LIFR: variants seen among roughly 807,000 people sequenced by gnomAD.
LIFR encodes the protein LIF receptor subunit alpha.
A neutral mutation model predicts 122.2 loss-of-function variants in LIFR; 84 were observed. That is an observed-to-expected ratio of 0.69 (90% confidence interval 0.58 to 0.82). LIFR has a LOEUF of 0.82. Among genes scored for constraint, LIFR ranks in the 40% least tolerant of loss-of-function variants. The pLI is 0.00. For synonymous variants in LIFR, 422 were observed against 434.7 expected (o/e 0.97, Z 0.36); for missense variants, 1,294 against 1,311.6 (o/e 0.99, Z 0.21).
At chr5:38,578,207 C>CTTTTTTTTTTTTTTTTTTTTTCTT (rs3079294) in intron 1 of LIFR, among the ~76,000 whole-genome samples, 1 of 123,456 alleles carries the variant, frequency 8.1e-6, no homozygotes, top group Non-Finnish European at 1.6e-5. Context: ...TTTTCTTTTT[C>CTTTTTTTTTTTTTTTTTTTTTCTT]TTTTTTTTTT....
intron 1 of LIFR, among the ~76,000 whole-genome samples, chr5:38,551,066 A>G (rs1748176380): frequency 6.6e-6 from 1 of 152,220 alleles, no homozygotes; most frequent in Non-Finnish European, 1.5e-5. Flanking sequence ...GTGGTGATCC[A>G]GGCAACTTCA....
chr5:38,595,755 C>G (rs1229322800), upstream of LIFR, among the ~76,000 whole-genome samples: 2 of 72,794 alleles, frequency 2.7e-5, no homozygotes, highest in Non-Finnish European at 5.5e-5. Context: ...TTTTTTGAAA[C>G]AGAGTCTCGC....
intron 6 of LIFR, 101 bp from the exon 7 acceptor site, chr5:38,510,819 T>A (rs1745761420): frequency 1.1e-6 from 1 of 925,918 alleles, no homozygotes; most frequent in Non-Finnish European, 1.7e-6. Context: ...ACTTTTAAAA[T>A]AGCCCAGTAT....
chr5:38,549,585 G>T (rs993992719), intron 1 of LIFR, among the ~76,000 whole-genome samples: 1 of 152,194 alleles, frequency 6.6e-6, no homozygotes, highest in African/African-American at 2.4e-5. Context: ...GAGGTCAGGA[G>T]ATCGAGACCA....
Position 38,475,559 on chromosome 5 carries a change from A to G in LIFR, c.*6036T>C, listed in dbSNP as rs1743685725. On this transcript the variant is annotated 3_prime_UTR_variant, in exon 20 of 20. Transcript: ENST00000453190. ...CATTTGACCAAACAAAAATTAGTAA[A>G]CAGTTACTAGTATTTATAAAAAACT... The G allele has an allele frequency of 5.3e-6, 1 of 189,702 alleles. No homozygotes were observed. The allele number at this position is 189,702 out of a possible 1,614,324, so 11.8% of individuals were successfully genotyped here. A position where few individuals can be genotyped will look rare whatever the true frequency, so the allele number is the denominator to read the frequency against.
At chr5:38,543,873 C>A (rs1036990406) in intron 1 of LIFR, among the ~76,000 whole-genome samples, 7 of 152,144 alleles carry the variant, frequency 4.6e-5, no homozygotes, top group Non-Finnish European at 1.0e-4. Flanking sequence ...ATACGTACAA[C>A]TTGTCACCTG....
At chr5:38,545,572 A>G (rs1438515078) in intron 1 of LIFR, among the ~76,000 whole-genome samples, 1 of 152,060 alleles carries the variant, frequency 6.6e-6, no homozygotes, top group Non-Finnish European at 1.5e-5. Flanking sequence ...TAAAAAAATA[A>G]CAATCCAGGG....
At chr5:38,547,625 C>A (rs1747969117) in intron 1 of LIFR, among the ~76,000 whole-genome samples, 1 of 152,098 alleles carries the variant, frequency 6.6e-6, no homozygotes, top group Non-Finnish European at 1.5e-5. Flanking sequence ...AAAAAAAAGT[C>A]CCTACATAAA....
At chr5:38,536,875 C>T (rs182045954) in intron 1 of LIFR, among the ~76,000 whole-genome samples, 128 of 152,292 alleles carry the variant, frequency 8.4e-4, no homozygotes, top group Middle Eastern at 3.4e-3. Context: ...ATTATAAAGA[C>T]AAATCTATCA....
chr5:38,586,701 G>A lies in LIFR; in HGVS notation c.-20+8560C>T, dbSNP rs1010831810. On this transcript the variant is annotated intron_variant, in intron 1 of 19. Coordinates refer to the LIFR transcript ENST00000263409. ...GACTGGGTTAGGGATGCTTACACCT[G>A]GAGTGTAGCCAGACCCGAGGCCCTT... 2.6e-5 allele frequency among the ~76,000 whole-genome samples: 4 copies of A among 152,092 alleles called. No homozygotes were observed. The East Asian group carries it at 7.7e-4, about 29-fold the overall frequency.
At chr5:38,562,480 A>G (rs995425456) in intron 1 of LIFR, among the ~76,000 whole-genome samples, 3 of 152,214 alleles carry the variant, frequency 2.0e-5, no homozygotes, top group African/African-American at 4.8e-5. Flanking sequence ...CTTATAGCCC[A>G]TCGTACATCC....
Position 38,503,958 on chromosome 5 carries a change from T to G in LIFR, c.1437+18A>C. 1.3e-6 allele frequency: 2 copies of G among 1,498,454 alleles called. No individual in the cohort carries two copies. Among genetic ancestry groups the G allele is most frequent in the Admixed American group, 1.7e-5 (1 of 59,466 alleles). The allele number at this position is 1,498,454 out of a possible 1,614,324, so 92.8% of individuals were successfully genotyped here. ...TTATCCAAAATAATCACAAAGGAAG[T>G]CTTTAAGAGAATCTTACCTGCTCTT... On this transcript the variant is annotated intron_variant, in intron 10 of 19. Transcript: ENST00000453190.
intron 13 of LIFR, 111 bp from the exon 14 acceptor site, chr5:38,493,896 A>C (rs1744735664): frequency 2.3e-6 from 2 of 860,694 alleles, no homozygotes; most frequent in Non-Finnish European, 1.9e-6. Flanking sequence ...AGAAATTATA[A>C]AATAGTGCTC....
rs780287528 is a variant in LIFR at position 38,505,957 on chromosome 5, G to GGT, written c.1238_1239insAC (p.His413GlnfsTer13). The GGT allele has an allele frequency of 6.2e-7, 1 of 1,610,754 alleles. No homozygotes were observed. The highest frequency in any genetic ancestry group is 8.5e-7 in the Non-Finnish European group (1 of 1,178,118). On this transcript the variant is annotated frameshift_variant, in exon 9 of 20. Coordinates refer to ENST00000453190, the MANE Select transcript of LIFR (RefSeq NM_001127671.2). LOFTEE classifies it high-confidence loss of function. ...TTGATTGTGATCGACCCAGCGGATT[G>GGT]TGAGCATTCAAAGTAAAATTATATA...
chr5:38,603,011 C>A (rs1345667083), intron 2 of LIFR, among the ~76,000 whole-genome samples: 1 of 152,248 alleles, frequency 6.6e-6, no homozygotes, highest in African/African-American at 2.4e-5. Context: ...AAACATACTG[C>A]GCACGCTTAA....
At chr5:38,491,800 T>C (rs776128937) in intron 14 of LIFR, among the ~76,000 whole-genome samples, 7 of 152,258 alleles carry the variant, frequency 4.6e-5, no homozygotes, top group Admixed American at 2.0e-4. Context: ...TATGCAGTAA[T>C]GCAACTCAAG....
intron 1 of LIFR, chr5:38,579,454 AAAAAGAGGGGAGTCTAT>A (rs1340755438): frequency 2.0e-5 from 3 of 152,198 alleles, no homozygotes; most frequent in Non-Finnish European, 4.4e-5. Context: ...TTTGGAAAAA[AAAAAGAGGGGAGTCTAT>A]GTATGGTCAG....
chr5:38,500,163 C>G (rs1044432946), intron 11 of LIFR, among the ~76,000 whole-genome samples: 12 of 152,066 alleles, frequency 7.9e-5, no homozygotes, highest in Admixed American at 5.9e-4. Context: ...GTGTCTGTGT[C>G]TTTGTGTTTG....
chr5:38,502,856 T>C, intron 10 of LIFR, 57 bp from the exon 11 acceptor site: 2 of 1,002,284 alleles, frequency 2.0e-6, no homozygotes, highest in Non-Finnish European at 1.4e-6. Context: ...TGAATACATA[T>C]ATATATACAT....
Sources: allele counts gnomAD v4.1 joint callset (sites outside exome capture counted in the v4.1 genomes callset), GRCh38; gene constraint gnomAD v4.1.1; transcripts MANE v1.5; gene names NCBI Gene and HGNC (gene_info 2026-07-23, HGNC 2026-07-21).